Variants in GPR176 observed in about 807,000 individuals in gnomAD.
The protein encoded by GPR176 is G protein-coupled receptor 176.
In GPR176, 26 loss-of-function variants were observed where a neutral mutation model predicts 35.4. The observed-to-expected ratio is 0.74, with a 90% CI of 0.54 to 1.02. The LOEUF is 1.02. Among genes scored for constraint, GPR176 ranks in the 50% least tolerant of loss-of-function variants. GPR176 has a pLI of 0.00. For synonymous variants in GPR176, 278 were observed against 271.3 expected (o/e 1.02, Z -0.24); for missense variants, 597 against 665.3 (o/e 0.90, Z 1.13).
chr15:39,904,206 T>C (rs531416339), intron 1 of GPR176, among the ~76,000 whole-genome samples: 11 of 152,200 alleles, frequency 7.2e-5, no homozygotes, highest in Non-Finnish European at 1.6e-4. Flanking sequence ...ATGACCTGTA[T>C]CTTGTGCTGA....
chr15:39,891,457 G>A (rs985912940), intron 1 of GPR176, among the ~76,000 whole-genome samples: 13 of 151,982 alleles, frequency 8.6e-5, no homozygotes, highest in Non-Finnish European at 1.6e-4. Flanking sequence ...AAGCTCAAGC[G>A]ATCCTCTCAT....
At chr15:39,857,373 G>C (rs2031289930) in intron 1 of GPR176, among the ~76,000 whole-genome samples, 1 of 152,132 alleles carries the variant, frequency 6.6e-6, no homozygotes, top group African/African-American at 2.4e-5. Flanking sequence ...AAACAAAAGT[G>C]AAAGCCTTAA....
chr15:39,902,476 G>A (rs1057012092), intron 1 of GPR176, among the ~76,000 whole-genome samples: 1 of 152,304 alleles, frequency 6.6e-6, no homozygotes, highest in South Asian at 2.1e-4. Context: ...CCTGGCAGAC[G>A]CAGAAAGCTT....
rs190934359 is a variant in GPR176 at position 39,825,327 on chromosome 15, T to C, written c.173-18069A>G. On this transcript the variant is annotated intron_variant, in intron 1 of 2. Transcript: ENST00000561100. ...TTTCATACATGTCTCTGTGAATATA[T>C]ACACTTATATACTTAATTTTATGTA... Among the ~76,000 whole-genome samples the C allele has an allele frequency of 3.0e-3, 464 of 152,322 alleles. 3 individuals carry two copies. Among genetic ancestry groups the C allele is most frequent in the African/African-American group, 0.011 (447 of 41,576 alleles).
At position 39,919,874 on chromosome 15, in the gene GPR176, G is replaced by A. The variant is rs377215097; in HGVS notation, c.153C>T (p.Ile51=). Residue 51 remains isoleucine, a synonymous_variant, in exon 1 of 3, where the codon ATC becomes ATT. Transcript: ENST00000561100. ...RQFTTTVQVV[I]FIGSLLGNFM... is the part of the protein sequence containing the mutation. Reference sequence around the variant, plus strand: ...GCTTACCGAGCAGCGAGCCTATGAAGATGACGACCTGCACGGTGGTGGTGA... The same window carrying A: ...GCTTACCGAGCAGCGAGCCTATGAAAATGACGACCTGCACGGTGGTGGTGA... The A allele has an allele frequency of 5.3e-4, 783 of 1,474,962 alleles. No homozygotes were observed. The highest frequency in any genetic ancestry group is 1.8e-3 in the Middle Eastern group (10 of 5,522). 91.4% of individuals were successfully genotyped at this position (1,474,962 alleles called of 1,614,324 possible). A position where few individuals can be genotyped will look rare whatever the true frequency, so the allele number is the denominator to read the frequency against.
intron 1 of GPR176, among the ~76,000 whole-genome samples, chr15:39,833,431 A>G (rs1193139245): frequency 6.6e-6 from 1 of 152,214 alleles, no homozygotes; most frequent in Non-Finnish European, 1.5e-5. Context: ...TTCCATTTGT[A>G]TATGTCCAGG....
At chr15:39,860,817 T>A (rs1375781459) in intron 1 of GPR176, 1 of 152,204 alleles carries the variant, frequency 6.6e-6, no homozygotes, top group Non-Finnish European at 1.5e-5. Flanking sequence ...TACTGATACC[T>A]ACCTGAAAAT....
intron 1 of GPR176, among the ~76,000 whole-genome samples, chr15:39,884,117 C>T (rs556209268): frequency 7.7e-4 from 117 of 152,232 alleles, no homozygotes; most frequent in African/African-American, 2.5e-3. Flanking sequence ...GTAGGCAAAC[C>T]CCTCTGGGCC....
Position 39,920,001 on chromosome 15 carries a change from G to A in GPR176, c.26C>T (p.Ser9Phe), listed in dbSNP as rs200109400. 611 of 1,432,606 alleles carry A rather than the reference G, an allele frequency of 4.3e-4. No individual in the cohort carries two copies. Among genetic ancestry groups the A allele is most frequent in the Non-Finnish European group, 4.7e-4 (510 of 1,090,104 alleles). 88.7% of individuals were successfully genotyped at this position (1,432,606 alleles called of 1,614,324 possible). A position where few individuals can be genotyped will look rare whatever the true frequency, so the allele number is the denominator to read the frequency against. ...GTTGTGCGGCTCGCTGGCATTTGGA[G>A]AGATCCAGCTCCCGTTATGTCCCAT... is the stretch of plus-strand genomic sequence containing the variant. MGHNGSWISPNASEPHNAS... is the reference protein window; with the variant it reads MGHNGSWIFPNASEPHNAS... The change falls in exon 1 of 3, where the codon TCT (serine) becomes TTT (phenylalanine). Residue 9 changes from serine (S) to phenylalanine (F), a missense_variant. By Grantham distance (155) the Ser-to-Phe change is radical. Around this residue, in one of 3 missense-constraint regions of GPR176, gnomAD observed 126 missense variants for 112.4 expected, o/e 1.12. Coordinates refer to ENST00000561100, the MANE Select transcript of GPR176 (RefSeq NM_007223.3).
Position 39,919,906 on chromosome 15 carries a change from G to A in GPR176, c.121C>T (p.Arg41Cys), listed in dbSNP as rs1194602978. 9.8e-6 allele frequency: 15 copies of A among 1,525,104 alleles called. No homozygotes were observed. The Admixed American group carries it at 2.2e-4, about 23-fold the overall frequency. 94.5% of individuals were successfully genotyped at this position (1,525,104 alleles called of 1,614,324 possible). A position where few individuals can be genotyped will look rare whatever the true frequency, so the allele number is the denominator to read the frequency against. The change falls in exon 1 of 3, where the codon CGC (arginine) becomes TGC (cysteine). Residue 41 changes from arginine (R) to cysteine (C), a missense_variant. This residue lies in a region of GPR176 where 126 missense variants were observed against 112.4 expected (regional missense o/e 1.12). Transcript: ENST00000561100. The stretch of plus-strand genomic sequence containing the variant: ...ACCTGCACGGTGGTGGTGAACTGGC[G>A]GTACAGCTGCGCCTCGCCGAACTCC... The part of the protein sequence containing the change: ...LGEFGEAQLY[R>C]QFTTTVQVVI...
At chr15:39,874,020 GA>G (rs1169988540) in intron 1 of GPR176, among the ~76,000 whole-genome samples, 1 of 152,146 alleles carries the variant, frequency 6.6e-6, no homozygotes, top group Non-Finnish European at 1.5e-5. Context: ...CTAATGACAT[GA>G]AGAACTCAAA....
intron 1 of GPR176, among the ~76,000 whole-genome samples, chr15:39,819,015 C>CT (rs1194152394): frequency 6.6e-6 from 1 of 152,224 alleles, no homozygotes; most frequent in African/African-American, 2.4e-5. Context: ...ATCAGCCCTA[C>CT]TTAGCTGTGA....
intron 1 of GPR176, chr15:39,909,913 C>T (rs1276038765): frequency 6.1e-6 from 6 of 977,204 alleles, no homozygotes; most frequent in East Asian, 1.1e-4. Flanking sequence ...TTTTAAAGCC[C>T]GAACTCCCTT....
intron 1 of GPR176, among the ~76,000 whole-genome samples, chr15:39,890,328 T>C (rs1252885573): frequency 6.6e-6 from 1 of 152,202 alleles, no homozygotes; most frequent in Non-Finnish European, 1.5e-5. Context: ...TTTTTGCAGG[T>C]CACTATAGAA....
At chr15:39,903,066 C>T (rs1389121443) in intron 1 of GPR176, among the ~76,000 whole-genome samples, 1 of 152,080 alleles carries the variant, frequency 6.6e-6, no homozygotes, top group Non-Finnish European at 1.5e-5. Context: ...ATAAAATAGG[C>T]CTTGTGTTAG....
intron 1 of GPR176, among the ~76,000 whole-genome samples, chr15:39,831,408 C>G (rs1267006934): frequency 1.3e-5 from 2 of 152,168 alleles, no homozygotes; most frequent in Non-Finnish European, 2.9e-5. Flanking sequence ...TCCTTAATTT[C>G]AAACTCATGT....
intron 1 of GPR176, among the ~76,000 whole-genome samples, chr15:39,812,306 C>G (rs1024992124): frequency 1.3e-5 from 2 of 152,118 alleles, no homozygotes; most frequent in Non-Finnish European, 2.9e-5. Flanking sequence ...TCTAGGTGGC[C>G]ACAATCTAAT....
rs189968821 is a variant in GPR176 at position 39,896,241 on chromosome 15, T to C, written c.172+23614A>G. ...ACCCAGCTAGTATTTTCATTTTTTG[T>C]ACAGACAGGGTCTCACAAAGTTTCC... On this transcript the variant is annotated intron_variant, in intron 1 of 2. Coordinates refer to ENST00000561100, the MANE Select transcript of GPR176 (RefSeq NM_007223.3). 9.5e-3 allele frequency among the ~76,000 whole-genome samples: 839 copies of C among 88,694 alleles called. 3 individuals are homozygous for C. Among genetic ancestry groups the C allele is most frequent in the Non-Finnish European group, 0.018 (595 of 33,336 alleles). 58.2% of individuals were successfully genotyped at this position (88,694 alleles called of 152,430 possible).
intron 1 of GPR176, among the ~76,000 whole-genome samples, chr15:39,909,352 A>T (rs1319193088): frequency 6.6e-6 from 1 of 152,240 alleles, no homozygotes; most frequent in Non-Finnish European, 1.5e-5. Context: ...CTGCTCGAAC[A>T]GTGAAATCAC....
Sources: allele counts gnomAD v4.1 joint callset (sites outside exome capture counted in the v4.1 genomes callset), GRCh38; gene constraint gnomAD v4.1.1; regional missense constraint gnomAD v4.1.1; transcripts MANE v1.5; gene names NCBI Gene and HGNC (gene_info 2026-07-23, HGNC 2026-07-21).